The following LTBP1 variants were observed in gnomAD, a reference collection of about 807,000 sequenced individuals.
LTBP1 encodes latent-transforming growth factor beta-binding protein 1.
Under a neutral mutation model 207.6 loss-of-function variants are expected in LTBP1, and 129 were observed. The observed-to-expected ratio is 0.62, with a 90% CI of 0.54 to 0.72. The LOEUF is 0.72. LTBP1 is among the 30% of genes least tolerant of loss of function. LTBP1 has a pLI of 0.00. For missense variants in LTBP1, 2,281 were observed against 2,217.2 expected (o/e 1.03, Z -0.58); for synonymous variants, 963 against 833.7 (o/e 1.16, Z -2.67).
chr2:33,349,026 A>C (rs948246601), intron 26 of LTBP1, among the ~76,000 whole-genome samples: 2 of 152,218 alleles, frequency 1.3e-5, no homozygotes, highest in African/African-American at 4.8e-5. Flanking sequence ...GTTTAGCCAT[A>C]AACTTCAGCA....
At chr2:32,959,549 A>ATGTGTGTGTG (rs10649487) in intron 2 of LTBP1, among the ~76,000 whole-genome samples, 33 of 125,356 alleles carry the variant, frequency 2.6e-4, no homozygotes, top group Non-Finnish European at 3.2e-4. Flanking sequence ...CTGTATATAT[A>ATGTGTGTGTG]TGTGTGTGTG....
At chr2:32,988,563 G>A (rs1273284367) in intron 2 of LTBP1, among the ~76,000 whole-genome samples, 2 of 152,190 alleles carry the variant, frequency 1.3e-5, no homozygotes, top group African/African-American at 4.8e-5. Flanking sequence ...TGAGGCACGA[G>A]TAATTTTTAA....
rs112316550 is a variant in LTBP1 at position 32,953,937 on chromosome 2, C to T, written c.565+4992C>T. Among the ~76,000 whole-genome samples, 408 of 152,294 alleles carry T rather than the reference C, an allele frequency of 2.7e-3. 1 individual carries two copies. The highest frequency in any genetic ancestry group is 9.3e-3 in the African/African-American group (387 of 41,550). On this transcript the variant is annotated intron_variant, in intron 2 of 33. Transcript: ENST00000404816. ...GGGCTATGTCACCACCCTTTTAATA[C>T]GGACCAAAATCAGGTCCAGCAGAGA...
chr2:33,328,789 T>A (rs1337284688), intron 24 of LTBP1, among the ~76,000 whole-genome samples: 2 of 152,218 alleles, frequency 1.3e-5, no homozygotes, highest in Non-Finnish European at 2.9e-5. Context: ...TCATAATATG[T>A]ACTCCTTTGT....
intron 31 of LTBP1, among the ~76,000 whole-genome samples, chr2:33,368,202 G>GT (rs1264643794): frequency 2.7e-5 from 4 of 150,662 alleles, no homozygotes; most frequent in Non-Finnish European, 5.9e-5. Context: ...GCGAGACTCT[G>GT]TCTCAAAAAA....
chr2:33,394,910 A>C (rs1313278058), intron 32 of LTBP1, among the ~76,000 whole-genome samples: 1 of 152,182 alleles, frequency 6.6e-6, no homozygotes, highest in Non-Finnish European at 1.5e-5. Context: ...ACAAGTGAGA[A>C]CATGTGGTAT....
chr2:33,037,482 A>G (rs975494872), intron 3 of LTBP1, among the ~76,000 whole-genome samples: 5 of 152,032 alleles, frequency 3.3e-5, no homozygotes, highest in East Asian at 1.9e-4. Context: ...ACTCTTTTCA[A>G]ATTTCCTTAG....
chr2:33,226,450 T>C (rs1214547639), intron 9 of LTBP1, among the ~76,000 whole-genome samples: 2 of 152,198 alleles, frequency 1.3e-5, no homozygotes, highest in Non-Finnish European at 2.9e-5. Flanking sequence ...GAAAGCAAGT[T>C]TATTAGAGTA....
At chr2:33,266,479 C>G (rs964393840) in intron 15 of LTBP1, among the ~76,000 whole-genome samples, 8 of 152,156 alleles carry the variant, frequency 5.3e-5, no homozygotes, top group Admixed American at 3.9e-4. Flanking sequence ...GGGGGCCAGG[C>G]TGCCAGTTCC....
Position 33,082,431 on chromosome 2 carries a change from A to AATTTTTTTTTTTTTTTTTTTTTTTTTT in LTBP1, c.864-28151_864-28150insATTTTTTTTTTTTTTTTTTTTTTTTTT, listed in dbSNP as rs2078468929. Among the ~76,000 whole-genome samples, 2 of 116,044 alleles carry AATTTTTTTTTTTTTTTTTTTTTTTTTT rather than the reference A, an allele frequency of 1.7e-5. 1 individual carries two copies. 76.1% of individuals were successfully genotyped at this position (116,044 alleles called of 152,430 possible). On this transcript the variant is annotated intron_variant, in intron 3 of 33. Coordinates refer to ENST00000404816, the MANE Select transcript of LTBP1 (RefSeq NM_206943.4). ...GTTAACCGTGGCTAAAGTATGACTCACTTTTTTTTTTTTTTTTTTTTTTTT... is the reference window on the plus strand; with the variant it reads ...GTTAACCGTGGCTAAAGTATGACTCAATTTTTTTTTTTTTTTTTTTTTTTTTTCTTTTTTTTTTTTTTTTTTTTTTTT...
intron 5 of LTBP1, among the ~76,000 whole-genome samples, chr2:33,168,124 C>T (rs57009439): frequency 2.5e-4 from 38 of 152,212 alleles, no homozygotes; most frequent in African/African-American, 8.4e-4. Flanking sequence ...TCATGCCTGC[C>T]ATCTCCACAT....
chr2:33,086,320 G>T (rs1235956949), intron 3 of LTBP1, among the ~76,000 whole-genome samples: 1 of 152,248 alleles, frequency 6.6e-6, no homozygotes, highest in African/African-American at 2.4e-5. Flanking sequence ...AGAGTTGCAA[G>T]ATGGGAATAC....
rs560040634 is a variant in LTBP1, at chr2:33,242,815, A to G, written c.1877-847A>G. Reference sequence around the variant, plus strand: ...TGATCAGACTTTTAATCTCTTCTCAACAAGCCATGTGTTGGCCAGGTGAAT... The same window carrying G: ...TGATCAGACTTTTAATCTCTTCTCAGCAAGCCATGTGTTGGCCAGGTGAAT... On this transcript the variant is annotated intron_variant, in intron 9 of 33. Transcript: ENST00000404816. 4.6e-5 allele frequency among the ~76,000 whole-genome samples: 7 copies of G among 152,204 alleles called. 1 individual carries two copies. Among genetic ancestry groups the G allele is most frequent in the African/African-American group, 1.7e-4 (7 of 41,528 alleles).
intron 4 of LTBP1, among the ~76,000 whole-genome samples, chr2:33,128,546 C>A (rs1396721609): frequency 6.6e-6 from 1 of 152,234 alleles, no homozygotes; most frequent in Non-Finnish European, 1.5e-5. Context: ...GGCATAGAAT[C>A]TTTGAGGGAG....
At chr2:33,349,067 A>G (rs942174329) in intron 26 of LTBP1, among the ~76,000 whole-genome samples, 17 of 152,240 alleles carry the variant, frequency 1.1e-4, no homozygotes, top group Admixed American at 5.2e-4. Context: ...ATCAGAGTCA[A>G]TAATTGATCA....
chr2:33,315,526 G>A (rs2094256428), intron 24 of LTBP1, among the ~76,000 whole-genome samples: 1 of 152,240 alleles, frequency 6.6e-6, no homozygotes, highest in African/African-American at 2.4e-5. Context: ...GAGTGGAAAT[G>A]TGCAAGGACT....
intron 5 of LTBP1, among the ~76,000 whole-genome samples, chr2:33,160,699 A>T (rs2148107893): frequency 6.6e-6 from 1 of 152,326 alleles, no homozygotes; most frequent in East Asian, 1.9e-4. Context: ...CCTCGTGATT[A>T]GTTGCAGTTA....
At chr2:32,975,370 C>G (rs1284659523) in intron 2 of LTBP1, among the ~76,000 whole-genome samples, 2 of 151,960 alleles carry the variant, frequency 1.3e-5, no homozygotes, top group Non-Finnish European at 2.9e-5. Context: ...ATGATTGTCT[C>G]ATATAGTATC....
intron 3 of LTBP1, among the ~76,000 whole-genome samples, chr2:33,089,564 A>G (rs898059203): frequency 3.9e-5 from 6 of 152,260 alleles, no homozygotes; most frequent in African/African-American, 1.4e-4. Context: ...CTAAGTGCCA[A>G]TAGTGTTGAG....
Sources: gnomAD v4.1 joint callset for allele counts (sites outside exome capture counted in the v4.1 genomes callset) on GRCh38, gnomAD v4.1.1 for gene constraint, MANE v1.5 for transcripts, NCBI Gene and HGNC (gene_info 2026-07-23, HGNC 2026-07-21) for gene names.